Variants in KLHL29 observed in about 807,000 individuals in gnomAD.
KLHL29 encodes kelch like family member 29, also known as kelch-like protein 29.
Under a neutral mutation model 80.4 loss-of-function variants are expected in KLHL29, and 21 were observed. The ratio of observed to expected loss-of-function variants is 0.26; its 90% CI spans 0.19 to 0.38. The LOEUF (loss-of-function observed/expected upper bound fraction) is 0.38, where lower values mean the gene tolerates loss of function less well. Ranked by LOEUF, KLHL29 falls within the 10% of genes least tolerant of loss-of-function variation. The pLI is 1.00. For missense variants in KLHL29, 867 were observed against 1,223.9 expected (o/e 0.71, Z 4.35); for synonymous variants, 511 against 526.8 (o/e 0.97, Z 0.41).
chr2:23,540,207 C>G (rs1190358952), intron 2 of KLHL29, among the ~76,000 whole-genome samples: 1 of 152,232 alleles, frequency 6.6e-6, no homozygotes, highest in Non-Finnish European at 1.5e-5. Flanking sequence ...CAGAAGTGGT[C>G]ACTTTCCCTC....
intron 2 of KLHL29, among the ~76,000 whole-genome samples, chr2:23,507,599 C>T (rs1479038085): frequency 1.3e-5 from 2 of 152,184 alleles, no homozygotes; most frequent in African/African-American, 2.4e-5. Context: ...AAATGTTTAA[C>T]GTCTGCTCTT....
intron 2 of KLHL29, among the ~76,000 whole-genome samples, chr2:23,506,171 C>T (rs1416737075): frequency 2.0e-5 from 3 of 152,196 alleles, no homozygotes; most frequent in African/African-American, 7.2e-5. Context: ...ATGGGCGGGC[C>T]CAGACATATT....
At chr2:23,606,607 G>A (rs116509483) in intron 3 of KLHL29, among the ~76,000 whole-genome samples, 5,050 of 152,320 alleles carry the variant, frequency 0.033, 107 homozygotes, top group Middle Eastern at 0.078. Context: ...AATCTCCTGA[G>A]GGAACAAATC....
In KLHL29 at chr2:23,639,236, C is replaced by A; in HGVS notation, c.383C>A (p.Thr128Asn). Residue 128 changes from threonine (T) to asparagine (N), a missense_variant, in exon 4 of 14, where the codon ACT becomes AAT. Physicochemically the swap from Thr to Asn is moderately conservative, Grantham distance 65. Coordinates refer to ENST00000486442, the MANE Select transcript of KLHL29 (RefSeq NM_052920.2). ...TPINQSTPWD[T>N]DEPPSKQMRE... The stretch of plus-strand genomic sequence containing the variant: ...ATCAATCAGTCCACACCCTGGGACA[C>A]TGATGAGCCACCCTCCAAACAGATG... 1 of 1,549,090 alleles carries A rather than the reference C, an allele frequency of 6.5e-7. No homozygotes were observed. The highest frequency in any genetic ancestry group is 8.7e-7 in the Non-Finnish European group (1 of 1,145,870).
chr2:23,392,807 A>T (rs1024536560), intron 1 of KLHL29, among the ~76,000 whole-genome samples: 1 of 152,152 alleles, frequency 6.6e-6, no homozygotes, highest in African/African-American at 2.4e-5. Context: ...GCACCACTTC[A>T]TACTGCCTGT....
At chr2:23,509,854 TTA>T (rs1665716651) in intron 2 of KLHL29, among the ~76,000 whole-genome samples, 1 of 152,190 alleles carries the variant, frequency 6.6e-6, no homozygotes, top group East Asian at 1.9e-4. Flanking sequence ...CTGAATTTTA[TTA>T]ACTGTTTTTT....
intron 2 of KLHL29, among the ~76,000 whole-genome samples, chr2:23,518,046 G>A (rs1665993389): frequency 6.6e-6 from 1 of 152,220 alleles, no homozygotes; most frequent in Non-Finnish European, 1.5e-5. Context: ...GAGATAGTGT[G>A]TAGCTCATCA....
At chr2:23,434,517 A>G (rs1663283471) in intron 1 of KLHL29, among the ~76,000 whole-genome samples, 1 of 152,106 alleles carries the variant, frequency 6.6e-6, no homozygotes, top group Non-Finnish European at 1.5e-5. Flanking sequence ...CAGTCAGTCA[A>G]TTACAGTTCC....
chr2:23,681,943 C>T lies in KLHL29; in HGVS notation c.941-2456C>T, dbSNP rs915458448. On this transcript the variant is annotated intron_variant, in intron 5 of 13. Coordinates refer to ENST00000486442, the MANE Select transcript of KLHL29 (RefSeq NM_052920.2). The surrounding 1 kb of genome is among the most constrained non-coding windows in gnomAD (Gnocchi z 4.2). ...CCCCTCCGCCTGGGCTGTGCGCAGG[C>T]GCCGCTGGGCTCTCTACCTTGTCTC... Among the ~76,000 whole-genome samples, 9 of 152,136 alleles carry T rather than the reference C, an allele frequency of 5.9e-5. No individual in the cohort carries two copies. Among genetic ancestry groups the T allele is most frequent in the Non-Finnish European group, 1.2e-4 (8 of 68,018 alleles).
intron 3 of KLHL29, among the ~76,000 whole-genome samples, chr2:23,612,432 A>C (rs899541046): frequency 9.2e-5 from 14 of 152,196 alleles, no homozygotes; most frequent in African/African-American, 3.4e-4. Context: ...AGTTCAGACA[A>C]ACAGTGAAAT....
intron 1 of KLHL29, among the ~76,000 whole-genome samples, chr2:23,404,735 A>G (rs1314736070): frequency 1.3e-5 from 2 of 152,216 alleles, no homozygotes; most frequent in African/African-American, 4.8e-5. Context: ...GTAAGCCAAC[A>G]CTTCCGGCCA....
At chr2:23,563,434 C>T (rs1234060129) in intron 3 of KLHL29, among the ~76,000 whole-genome samples, 1 of 152,200 alleles carries the variant, frequency 6.6e-6, no homozygotes, top group Non-Finnish European at 1.5e-5. Flanking sequence ...GGAGCTGCCT[C>T]CCAGGAGCCC....
intron 11 of KLHL29, among the ~76,000 whole-genome samples, chr2:23,698,677 G>A (rs1373552204): frequency 6.6e-6 from 1 of 152,124 alleles, no homozygotes. Flanking sequence ...AAATAACCGG[G>A]TCTAATATTT....
At chr2:23,653,361 C>T (rs565316148) in intron 5 of KLHL29, among the ~76,000 whole-genome samples, 3 of 152,346 alleles carry the variant, frequency 2.0e-5, no homozygotes, top group South Asian at 2.1e-4. Flanking sequence ...CCTCTTCTTT[C>T]CTCCCACAGA....
At chr2:23,525,823 C>T (rs1370793782) in intron 2 of KLHL29, among the ~76,000 whole-genome samples, 2 of 149,578 alleles carry the variant, frequency 1.3e-5, no homozygotes, top group Admixed American at 6.9e-5. Context: ...TGCCTTTTTC[C>T]ACCTATTCGG....
At chr2:23,411,967 C>T (rs75642972) in intron 1 of KLHL29, among the ~76,000 whole-genome samples, 5,703 of 152,170 alleles carry the variant, frequency 0.037, 343 homozygotes, top group African/African-American at 0.13. Context: ...GACTTCTACG[C>T]TTCTTAGGAA....
chr2:23,498,085 C>G (rs1416152460), intron 2 of KLHL29, among the ~76,000 whole-genome samples: 1 of 152,126 alleles, frequency 6.6e-6, no homozygotes, highest in African/African-American at 2.4e-5. Flanking sequence ...TTACCCTTTT[C>G]TGTGTGTGAA....
intron 3 of KLHL29, among the ~76,000 whole-genome samples, chr2:23,576,302 CTCAAAA>C (rs1558394498): frequency 1.8e-5 from 1 of 56,348 alleles, no homozygotes; most frequent in Non-Finnish European, 3.4e-5. Flanking sequence ...AAGACTCTAT[CTCAAAA>C]AAAAAAAAAA....
At position 23,496,581 on chromosome 2, in the gene KLHL29, G is replaced by A. The variant is rs1203809118; in HGVS notation, c.-46+20914G>A. ...CAGCACCCCCTCTAACCTTCAGCGG[G>A]GCCAGCGGTGGAGGGAGGGGAGGCA... On this transcript the variant is annotated intron_variant, in intron 2 of 13. Coordinates refer to ENST00000486442, the MANE Select transcript of KLHL29 (RefSeq NM_052920.2). Among the ~76,000 whole-genome samples the A allele has an allele frequency of 2.0e-5, 3 of 152,298 alleles. No individual in the cohort carries two copies. The East Asian group carries it at 5.8e-4, about 29-fold the overall frequency.
Sources: allele counts gnomAD v4.1 joint callset (sites outside exome capture counted in the v4.1 genomes callset), GRCh38; gene constraint gnomAD v4.1.1; non-coding constraint Gnocchi (gnomAD v3.1); transcripts MANE v1.5; gene names NCBI Gene and HGNC (gene_info 2026-07-23, HGNC 2026-07-21).